Variants in DPH6 observed in about 807,000 individuals in gnomAD.
DPH6 encodes the protein diphthamine biosynthesis 6.
In DPH6, 33 loss-of-function variants were observed where a neutral mutation model predicts 38.2. The observed-to-expected ratio is 0.86, with a 90% CI of 0.65 to 1.15. The LOEUF (loss-of-function observed/expected upper bound fraction) is 1.15. Among genes scored for constraint, DPH6 ranks in the 50% most tolerant of loss-of-function variants. DPH6 has a pLI of 0.00. For missense variants in DPH6, 325 were observed against 320.0 expected, an observed-to-expected ratio of 1.02 and a Z score of -0.12; for synonymous variants, 108 against 103.0, an observed-to-expected ratio of 1.05 and a Z score of -0.30.
downstream of DPH6, among the ~76,000 whole-genome samples, chr15:35,327,623 G>A (rs1566870800): frequency 6.6e-6 from 1 of 152,232 alleles, no homozygotes; most frequent in East Asian, 1.9e-4. Context: ...ACCGTGCCTG[G>A]CCTCTAGAAA....
At chr15:35,480,881 G>A (rs901378227) in intron 3 of DPH6, among the ~76,000 whole-genome samples, 4 of 151,816 alleles carry the variant, frequency 2.6e-5, no homozygotes, top group Admixed American at 2.0e-4. Flanking sequence ...AGGAATGATA[G>A]AATTGTAATA....
At chr15:35,385,595 C>A (rs2052941038) in intron 6 of DPH6, among the ~76,000 whole-genome samples, 1 of 151,986 alleles carries the variant, frequency 6.6e-6, no homozygotes, top group Admixed American at 6.5e-5. Flanking sequence ...AGGGGAACAT[C>A]ACACACCAGA....
chr15:35,545,329 G>C (rs1008159705), intron 1 of DPH6, among the ~76,000 whole-genome samples: 4 of 152,206 alleles, frequency 2.6e-5, no homozygotes, highest in Admixed American at 6.5e-5. Context: ...TTTTTGGTTT[G>C]TCAGTCACAG....
intron 6 of DPH6, among the ~76,000 whole-genome samples, chr15:35,398,776 G>A (rs1299588195): frequency 6.6e-6 from 1 of 152,134 alleles, no homozygotes; most frequent in Non-Finnish European, 1.5e-5. Flanking sequence ...CTTGTGGTTG[G>A]CATCTGAAGT....
intron 3 of DPH6, among the ~76,000 whole-genome samples, chr15:35,284,534 T>C (rs1479396006): frequency 6.6e-6 from 1 of 151,304 alleles, no homozygotes; most frequent in African/African-American, 2.4e-5. Flanking sequence ...TTATTTACCT[T>C]ATAACTTCAG....
At chr15:35,420,672 T>C (rs73378767) in intron 5 of DPH6, among the ~76,000 whole-genome samples, 46,624 of 151,910 alleles carry the variant, frequency 0.31, 7,877 homozygotes, top group African/African-American at 0.45. Flanking sequence ...TGTGTCACCA[T>C]GCCTGGCTAA....
intron 3 of DPH6, among the ~76,000 whole-genome samples, chr15:35,474,114 T>C (rs143738884): frequency 3.9e-5 from 6 of 152,276 alleles, no homozygotes; most frequent in Non-Finnish European, 5.9e-5. Context: ...AGTGACTGTG[T>C]TGCCCATTCA....
the DPH6 span, among the ~76,000 whole-genome samples, chr15:35,163,918 CATATACTATA>C: frequency 2.0e-5 from 3 of 151,808 alleles, no homozygotes; most frequent in Non-Finnish European, 2.9e-5. Flanking sequence ...AAGTTCTACT[CATATACTATA>C]ATATACTATA....
intron 3 of DPH6, chr15:35,518,861 T>C (rs1200658006): frequency 6.6e-6 from 1 of 151,974 alleles, no homozygotes; most frequent in Non-Finnish European, 1.5e-5. Flanking sequence ...AACTTAAATA[T>C]ATTATCTCTA....
intron 3 of DPH6, among the ~76,000 whole-genome samples, chr15:35,275,520 G>T (rs552361664): frequency 2.0e-4 from 30 of 152,066 alleles, no homozygotes; most frequent in Admixed American, 5.9e-4. Context: ...ATGGACACAG[G>T]GAGGAGAATA....
At chr15:35,350,431 T>C (rs2052500251) in intron 3 of DPH6, among the ~76,000 whole-genome samples, 1 of 151,940 alleles carries the variant, frequency 6.6e-6, no homozygotes, top group Non-Finnish European at 1.5e-5. Context: ...CTCTGCTTCA[T>C]TACTTTCTGC....
At chr15:35,181,850 T>C in the DPH6 span, 1 of 152,196 alleles carries the variant, frequency 6.6e-6, no homozygotes, top group South Asian at 2.1e-4. Context: ...ATGAGACCTA[T>C]TTTTGTAAGT....
chr15:35,525,088 A>G (rs2054978825), intron 3 of DPH6, among the ~76,000 whole-genome samples: 2 of 152,226 alleles, frequency 1.3e-5, no homozygotes, highest in South Asian at 4.1e-4. Context: ...TACCCTCATG[A>G]GGTTATAAAC....
At chr15:35,490,763 G>A (rs528274970) in intron 3 of DPH6, among the ~76,000 whole-genome samples, 1 of 152,084 alleles carries the variant, frequency 6.6e-6, no homozygotes, top group Non-Finnish European at 1.5e-5. Flanking sequence ...TAAACACATT[G>A]TGCCATCTCA....
chr15:35,265,218 C>A (rs979413465), intron 3 of DPH6, among the ~76,000 whole-genome samples: 1 of 151,814 alleles, frequency 6.6e-6, no homozygotes, highest in Non-Finnish European at 1.5e-5. Context: ...AAAAGATATT[C>A]AATCTTAAAA....
intron 3 of DPH6, among the ~76,000 whole-genome samples, chr15:35,352,541 T>C (rs1211278940): frequency 1.3e-5 from 2 of 152,222 alleles, no homozygotes. Flanking sequence ...TTTGGTTTTT[T>C]GTCCTTGCGA....
chr15:35,176,872 T>C, the DPH6 span, among the ~76,000 whole-genome samples: 2 of 152,240 alleles, frequency 1.3e-5, no homozygotes, highest in African/African-American at 4.8e-5. Context: ...CAGACTAAAA[T>C]GTTTTTCAGG....
intron 3 of DPH6, among the ~76,000 whole-genome samples, chr15:35,501,957 T>C (rs2054633287): frequency 6.6e-6 from 1 of 152,148 alleles, no homozygotes; most frequent in Non-Finnish European, 1.5e-5. Context: ...AGGTAGTAGA[T>C]GTTAGCAACT....
At chr15:35,337,053 T>G (rs1277610677) in intron 3 of DPH6, among the ~76,000 whole-genome samples, 3 of 152,170 alleles carry the variant, frequency 2.0e-5, no homozygotes, top group Non-Finnish European at 4.4e-5. Flanking sequence ...CTGGCAGAAT[T>G]CGGCTGTGAA....
Sources: allele counts gnomAD v4.1 joint callset (sites outside exome capture counted in the v4.1 genomes callset), GRCh38; gene constraint gnomAD v4.1.1; transcripts MANE v1.5; gene names NCBI Gene and HGNC (gene_info 2026-07-23, HGNC 2026-07-21).